The following CENPP variants were observed in gnomAD, a reference collection of about 807,000 sequenced individuals.
The protein encoded by CENPP is centromere protein P.
In CENPP, 24 loss-of-function variants were observed where a neutral mutation model predicts 35.6. That is an observed-to-expected ratio of 0.67 (90% CI 0.49 to 0.95). The LOEUF is 0.95. Ranked by LOEUF, CENPP falls within the 40% of genes least tolerant of loss-of-function variation. The pLI, the probability that CENPP is intolerant of heterozygous loss-of-function variation, is 0.00. For missense variants in CENPP, 332 were observed against 345.3 expected, an observed-to-expected ratio of 0.96 and a Z score of 0.31; for synonymous variants, 120 against 125.5, an observed-to-expected ratio of 0.96 and a Z score of 0.29.
At chr9:92,507,311 ACATCTT>A (rs1847066204) in intron 5 of CENPP, among the ~76,000 whole-genome samples, 2 of 152,230 alleles carry the variant, frequency 1.3e-5, no homozygotes, top group East Asian at 3.8e-4. Context: ...TGAGAATCTG[ACATCTT>A]TCTCTAGTAC....
At chr9:92,436,599 T>G (rs1844251487) in intron 5 of CENPP, among the ~76,000 whole-genome samples, 2 of 152,350 alleles carry the variant, frequency 1.3e-5, no homozygotes, top group South Asian at 4.1e-4. Context: ...TTTTTTTTGC[T>G]TATGGCTATT....
chr9:92,572,034 C>G (rs539953441), intron 5 of CENPP, among the ~76,000 whole-genome samples: 1 of 151,652 alleles, frequency 6.6e-6, no homozygotes, highest in African/African-American at 2.4e-5. Context: ...GGTCTTGACT[C>G]TTTATCCAAT....
intron 5 of CENPP, among the ~76,000 whole-genome samples, chr9:92,518,584 T>C (rs941184202): frequency 2.6e-5 from 4 of 152,212 alleles, no homozygotes; most frequent in African/African-American, 9.6e-5. Context: ...TCACATACTA[T>C]AATATTCACC....
chr9:92,404,187 G>A (rs1436687010), intron 5 of CENPP, among the ~76,000 whole-genome samples: 1 of 152,102 alleles, frequency 6.6e-6, no homozygotes, highest in Non-Finnish European at 1.5e-5. Flanking sequence ...ACACATTTCA[G>A]ACTTTTTCTT....
chr9:92,341,372 T>C (rs1841112764), intron 3 of CENPP, among the ~76,000 whole-genome samples: 1 of 152,092 alleles, frequency 6.6e-6, no homozygotes, highest in Admixed American at 6.5e-5. Context: ...ATTCGCACAC[T>C]CCCTCCCCTT....
intron 5 of CENPP, among the ~76,000 whole-genome samples, chr9:92,396,944 G>A (rs1842916201): frequency 6.6e-6 from 1 of 152,052 alleles, no homozygotes; most frequent in Non-Finnish European, 1.5e-5. Flanking sequence ...TAGAGGCTGA[G>A]GCAGGTGGAT....
chr9:92,374,594 T>C (rs1199297670), intron 4 of CENPP, among the ~76,000 whole-genome samples: 1 of 152,210 alleles, frequency 6.6e-6, no homozygotes, highest in East Asian at 1.9e-4. Context: ...TTGCAAAAAC[T>C]CTGCTTCTTA....
intron 3 of CENPP, 102 bp from the exon 4 acceptor site, chr9:92,345,597 T>C (rs570212556): frequency 1.5e-6 from 1 of 676,752 alleles, no homozygotes; most frequent in Non-Finnish European, 2.6e-6. Flanking sequence ...TGATTACTCT[T>C]TCCTTTTATT....
chr9:92,452,769 A>G (rs1844751476), intron 5 of CENPP, among the ~76,000 whole-genome samples: 1 of 152,154 alleles, frequency 6.6e-6, no homozygotes, highest in African/African-American at 2.4e-5. Context: ...TATTGCCACA[A>G]TTTCAGAGTC....
chr9:92,496,404 A>G (rs1324973178), intron 5 of CENPP: 8 of 1,610,384 alleles, frequency 5.0e-6, no homozygotes, highest in Non-Finnish European at 6.8e-6. Flanking sequence ...ATTTTAATAT[A>G]ATTGTTTTCA....
chr9:92,530,059 T>C (rs1563989000), intron 5 of CENPP, among the ~76,000 whole-genome samples: 1 of 152,214 alleles, frequency 6.6e-6, no homozygotes, highest in Non-Finnish European at 1.5e-5. Flanking sequence ...CTAGAGATTA[T>C]TTAAAGTATA....
chr9:92,458,094 A>G (rs907491070), intron 5 of CENPP, among the ~76,000 whole-genome samples: 17 of 152,352 alleles, frequency 1.1e-4, no homozygotes, highest in African/African-American at 4.1e-4. Flanking sequence ...ATATAGCATC[A>G]ATAATTGAAA....
intron 5 of CENPP, among the ~76,000 whole-genome samples, chr9:92,543,013 A>G (rs542557920): frequency 1.3e-5 from 2 of 152,280 alleles, no homozygotes; most frequent in East Asian, 3.9e-4. Context: ...CTTTTGTCAA[A>G]AACCAATTCA....
At chr9:92,501,107 G>T in intron 5 of CENPP, 1 of 1,553,984 alleles carries the variant, frequency 6.4e-7, no homozygotes, top group Non-Finnish European at 8.8e-7. Flanking sequence ...GTGATCATCA[G>T]CTCTAAATTT....
intron 5 of CENPP, chr9:92,496,052 T>A: frequency 9.4e-7 from 1 of 1,064,860 alleles, no homozygotes; most frequent in Admixed American, 5.5e-5. Context: ...TCTAGCTCAG[T>A]ATGCATAATA....
intron 5 of CENPP, among the ~76,000 whole-genome samples, chr9:92,410,416 A>G (rs925139581): frequency 2.0e-5 from 3 of 152,184 alleles, no homozygotes; most frequent in Admixed American, 6.5e-5. Context: ...GTTCTTGCTA[A>G]TAAACAGGAG....
chr9:92,368,515 A>G lies in CENPP; in HGVS notation c.468-11248A>G, dbSNP rs4744130. 9.3e-3 allele frequency among the ~76,000 whole-genome samples: 1,422 copies of G among 152,358 alleles called. 13 individuals are homozygous for G. The highest frequency in any genetic ancestry group is 0.017 in the Middle Eastern group (5 of 294). On this transcript the variant is annotated intron_variant, in intron 4 of 7. Transcript: ENST00000375587. ...CCAAATTAATCACCTTCATAAAAAT[A>G]TAACTATAGCTGCTGTGAAGAACAA...
chr9:92,326,412 G>A (rs1840507819), intron 1 of CENPP, among the ~76,000 whole-genome samples: 1 of 152,200 alleles, frequency 6.6e-6, no homozygotes, highest in African/African-American at 2.4e-5. Flanking sequence ...ATCTCTAGTT[G>A]GGATTTAATA....
intron 5 of CENPP, among the ~76,000 whole-genome samples, chr9:92,496,940 C>CAA (rs34069793): frequency 2.6e-4 from 29 of 112,278 alleles, no homozygotes; most frequent in East Asian, 1.0e-3. Flanking sequence ...ATAAGGTTTG[C>CAA]AAAAAAAAAA....
Sources: allele counts gnomAD v4.1 joint callset (sites outside exome capture counted in the v4.1 genomes callset), GRCh38; gene constraint gnomAD v4.1.1; transcripts MANE v1.5; gene names NCBI Gene and HGNC (gene_info 2026-07-23, HGNC 2026-07-21).